Variants in MYO5B observed in about 807,000 individuals in gnomAD.
MYO5B encodes myosin VB, also known as unconventional myosin-Vb.
In MYO5B, 143 loss-of-function variants were observed where a neutral mutation model predicts 229.3. That is an observed-to-expected ratio of 0.62 (90% CI 0.54 to 0.72). The LOEUF is 0.72. Among genes scored for constraint, MYO5B ranks in the 30% least tolerant of loss-of-function variants. The pLI is 0.00. For synonymous variants in MYO5B, 918 were observed against 885.2 expected (o/e 1.04, Z -0.66); for missense variants, 2,321 against 2,331.0 (o/e 1.00, Z 0.09).
At position 50,134,627 on chromosome 18, in the gene MYO5B, C is replaced by T. The variant is rs569350993; in HGVS notation, c.27+60140G>A. Among the ~76,000 whole-genome samples the T allele has an allele frequency of 1.6e-4, 25 of 152,098 alleles. No individual in the cohort carries two copies. The South Asian group carries it at 5.2e-3, about 32-fold the overall frequency. On this transcript the variant is annotated intron_variant, in intron 1 of 39. Transcript: ENST00000285039. ...AATAGCAGCCTCAAGGGTTAGTATT[C>T]CAGAGCTCTCAGTGATTTCTTGCAT...
rs8094776 is a variant in MYO5B at position 49,881,336 on chromosome 18, A to C, written c.3046-881T>G. Among the ~76,000 whole-genome samples, 1,195 of 152,292 alleles carry C rather than the reference A, an allele frequency of 7.8e-3. 11 individuals carry two copies. The highest frequency in any genetic ancestry group is 0.027 in the African/African-American group (1,108 of 41,554). On this transcript the variant is annotated intron_variant, in intron 22 of 39. Transcript: ENST00000285039. ...GTCTTATTGGACCAGCACAGTTCAA[A>C]TTCTGGAAAAGAGATAACTTGCTAT... is the stretch of plus-strand genomic sequence containing the variant.
At chr18:49,879,937 C>T (rs1413888953) in intron 23 of MYO5B, among the ~76,000 whole-genome samples, 2 of 152,208 alleles carry the variant, frequency 1.3e-5, no homozygotes, top group East Asian at 1.9e-4. Context: ...TGAAACCCAG[C>T]AATGACGACA....
intron 1 of MYO5B, among the ~76,000 whole-genome samples, chr18:50,121,090 T>C (rs1790427): frequency 0.62 from 93,709 of 151,958 alleles, 29,043 homozygotes; most frequent in Admixed American, 0.69. Context: ...TTCTCCTCTG[T>C]TTCTCAGTCC....
intron 17 of MYO5B, among the ~76,000 whole-genome samples, chr18:49,918,971 G>C (rs529243911): frequency 8.5e-5 from 13 of 152,294 alleles, no homozygotes; most frequent in African/African-American, 2.9e-4. Flanking sequence ...TTAACCTGTG[G>C]ACATGCGGTA....
intron 9 of MYO5B, 111 bp from the exon 10 acceptor site, chr18:49,974,726 C>T: frequency 1.5e-6 from 2 of 1,298,056 alleles, no homozygotes; most frequent in Admixed American, 1.9e-5. Flanking sequence ...CTCAAGGCCT[C>T]CCAGCCCTCC....
Position 50,110,317 on chromosome 18 carries a change from T to G in MYO5B, c.28-54939A>C, listed in dbSNP as rs912095507. Among the ~76,000 whole-genome samples the G allele has an allele frequency of 2.0e-5, 3 of 152,224 alleles. No individual in the cohort carries two copies. The East Asian group carries it at 5.8e-4, about 29-fold the overall frequency. ...TATGCCCTAAATACTTTATCCTGCTTATCTCCCTCACCATGAGATAAGCTC... is the reference window on the plus strand; with the variant it reads ...TATGCCCTAAATACTTTATCCTGCTGATCTCCCTCACCATGAGATAAGCTC... On this transcript the variant is annotated intron_variant, in intron 1 of 39. Coordinates refer to ENST00000285039, the MANE Select transcript of MYO5B (RefSeq NM_001080467.3).
At chr18:49,859,807 G>T (rs2024306250) in intron 29 of MYO5B, among the ~76,000 whole-genome samples, 1 of 152,204 alleles carries the variant, frequency 6.6e-6, no homozygotes, top group Admixed American at 6.5e-5. Context: ...TCTGGGGAGG[G>T]GCTGGGCAGA....
intron 1 of MYO5B, among the ~76,000 whole-genome samples, chr18:50,096,510 G>A (rs757048190): frequency 1.8e-4 from 27 of 151,936 alleles, no homozygotes; most frequent in Admixed American, 1.0e-3. Flanking sequence ...ATGTCACTCC[G>A]TGTTCAAGAA....
Position 50,036,896 on chromosome 18 carries a change from G to A in MYO5B, c.409C>T (p.Pro137Ser). Residue 137 changes from proline (P) to serine (S), a missense_variant, in exon 4 of 40, where the codon CCC (proline) becomes TCC (serine). Transcript: ENST00000285039. ...TCTTCTGCCACAGCAAAGATGTGGG[G>A]GTCCATGTCTCCCATGTTTTGGCCA... ...YSGQNMGDMD[P>S]HIFAVAEEAY... is the part of the protein sequence containing the mutation. The A allele has an allele frequency of 6.2e-7, 1 of 1,614,074 alleles. No homozygotes were observed. Among genetic ancestry groups the A allele is most frequent in the Non-Finnish European group, 8.5e-7 (1 of 1,180,012 alleles).
intron 3 of MYO5B, among the ~76,000 whole-genome samples, chr18:50,039,313 A>G (rs547916118): frequency 1.2e-4 from 18 of 152,240 alleles, no homozygotes; most frequent in Non-Finnish European, 1.5e-5. Flanking sequence ...GGAAAGGAGA[A>G]GTTTATTTCG....
intron 8 of MYO5B, among the ~76,000 whole-genome samples, chr18:49,982,261 G>GTC (rs942524232): frequency 6.6e-6 from 1 of 151,992 alleles, no homozygotes; most frequent in Non-Finnish European, 1.5e-5. Context: ...TAGAGACAGG[G>GTC]TCTCCCGTGT....
chr18:49,921,781 C>T (rs769978723), intron 17 of MYO5B, among the ~76,000 whole-genome samples: 2 of 152,190 alleles, frequency 1.3e-5, no homozygotes, highest in East Asian at 1.9e-4. Context: ...GCCCTCTGCT[C>T]GGGCTCTTGG....
At chr18:50,077,135 G>A (rs116301688) in intron 1 of MYO5B, among the ~76,000 whole-genome samples, 1,682 of 119,590 alleles carry the variant, frequency 0.014, 27 homozygotes, top group African/African-American at 0.05. Context: ...GGCAATTGGT[G>A]TTTTTGCTTA....
chr18:50,006,006 T>G (rs1170227671), intron 4 of MYO5B, among the ~76,000 whole-genome samples: 2 of 152,218 alleles, frequency 1.3e-5, no homozygotes, highest in African/African-American at 4.8e-5. Context: ...TTGAAGTCAG[T>G]CCCAGTGAGG....
intron 17 of MYO5B, among the ~76,000 whole-genome samples, chr18:49,919,873 T>C (rs921698714): frequency 2.0e-5 from 3 of 152,228 alleles, no homozygotes; most frequent in Non-Finnish European, 2.9e-5. Flanking sequence ...CAAGTGTTCA[T>C]AGCAGCATTC....
intron 1 of MYO5B, among the ~76,000 whole-genome samples, chr18:50,072,435 T>G (rs1056942490): frequency 6.6e-6 from 1 of 151,910 alleles, no homozygotes; most frequent in Admixed American, 6.6e-5. Flanking sequence ...GAGTGTAGCC[T>G]GGGGGGAAAT....
intron 1 of MYO5B, among the ~76,000 whole-genome samples, chr18:50,100,807 C>T (rs2031639689): frequency 6.6e-6 from 1 of 152,206 alleles, no homozygotes; most frequent in South Asian, 2.1e-4. Context: ...AACAATCAAT[C>T]AGAGCATGGC....
intron 20 of MYO5B, among the ~76,000 whole-genome samples, chr18:49,903,638 G>C (rs992220693): frequency 6.6e-6 from 1 of 152,144 alleles, no homozygotes; most frequent in African/African-American, 2.4e-5. Context: ...TATCAATTTC[G>C]TGCTTTACTT....
chr18:49,842,123 A>C (rs1005682849), intron 34 of MYO5B, among the ~76,000 whole-genome samples: 4 of 151,910 alleles, frequency 2.6e-5, no homozygotes, highest in African/African-American at 9.7e-5. Flanking sequence ...AATGAGGTTG[A>C]ATAGAAAGTG....
Sources: gnomAD v4.1 joint callset for allele counts (sites outside exome capture counted in the v4.1 genomes callset) on GRCh38, gnomAD v4.1.1 for gene constraint, MANE v1.5 for transcripts, NCBI Gene and HGNC (gene_info 2026-07-23, HGNC 2026-07-21) for gene names.